The following CEP63 variants were observed in gnomAD, a reference collection of about 807,000 sequenced individuals.
CEP63 encodes the protein centrosomal protein 63.
CEP63 carries 84 observed loss-of-function variants against 89.1 expected under a neutral mutation model. The observed-to-expected ratio is 0.94, with a 90% CI of 0.79 to 1.13. CEP63 has a LOEUF of 1.13. Ranked by LOEUF, CEP63 falls within the 50% of genes most tolerant of loss-of-function variation. CEP63 has a pLI of 0.00. For missense variants in CEP63, 838 were observed against 813.3 expected (o/e 1.03, Z -0.37); for synonymous variants, 267 against 272.5 (o/e 0.98, Z 0.20).
At chr3:134,554,433 A>G (rs1363184068) in intron 12 of CEP63, among the ~76,000 whole-genome samples, 1 of 145,816 alleles carries the variant, frequency 6.9e-6, no homozygotes, top group Non-Finnish European at 1.5e-5. Flanking sequence ...TTATGGCTGC[A>G]TAGTATTCCA....
intron 9 of CEP63, among the ~76,000 whole-genome samples, chr3:134,548,146 A>T (rs1190230615): frequency 1.3e-5 from 2 of 152,122 alleles, no homozygotes; most frequent in African/African-American, 4.8e-5. Flanking sequence ...CATCTGGGGG[A>T]AAAACCATCC....
chr3:134,538,860 A>G (rs1370984390), intron 6 of CEP63, among the ~76,000 whole-genome samples: 1 of 152,044 alleles, frequency 6.6e-6, no homozygotes, highest in African/African-American at 2.4e-5. Context: ...CCTATTTCAT[A>G]TTACTGTTGT....
the CEP63 span, among the ~76,000 whole-genome samples, chr3:134,678,047 G>A: frequency 6.6e-6 from 1 of 151,918 alleles, no homozygotes; most frequent in African/African-American, 2.4e-5. Context: ...AACCCACAGG[G>A]GTTCAAGTGC....
At chr3:134,641,593 G>A in the CEP63 span, among the ~76,000 whole-genome samples, 5 of 152,072 alleles carry the variant, frequency 3.3e-5, no homozygotes, top group Admixed American at 6.6e-5. Flanking sequence ...ACTTTAGCCC[G>A]GTGAAACAGA....
chr3:134,582,541 G>C (rs1958385447), intron 10 of CEP63, among the ~76,000 whole-genome samples: 2 of 152,186 alleles, frequency 1.3e-5, no homozygotes, highest in African/African-American at 4.8e-5. Flanking sequence ...AGTATTCCAT[G>C]GTGTACATGT....
chr3:134,586,973 T>C lies in CEP63; in HGVS notation c.1207-485T>C, dbSNP rs190055136. The stretch of plus-strand genomic sequence containing the variant: ...CAATCACTGATATCCTTTCTTCCAC[T>C]TGATCGAATTGGCTATTGAAGGTTG... On this transcript the variant is annotated intron_variant, in intron 10 of 10. Transcript: ENST00000683931. 3.8e-3 allele frequency among the ~76,000 whole-genome samples: 573 copies of C among 152,344 alleles called. 7 individuals carry two copies. Among genetic ancestry groups the C allele is most frequent in the Non-Finnish European group, 3.3e-3 (222 of 68,028 alleles).
At chr3:134,576,944 A>C (rs1004697070), downstream of CEP63, among the ~76,000 whole-genome samples, 5 of 152,170 alleles carry the variant, frequency 3.3e-5, no homozygotes, top group African/African-American at 1.2e-4. Flanking sequence ...AAATGTTAGC[A>C]CCAATTAACT....
the CEP63 span, among the ~76,000 whole-genome samples, chr3:134,667,051 G>A: frequency 1.4e-4 from 21 of 152,174 alleles, no homozygotes; most frequent in Non-Finnish European, 2.6e-4. Flanking sequence ...CCTCCCCCGC[G>A]TCCTCCCCAT....
chr3:134,660,381 G>A, the CEP63 span, among the ~76,000 whole-genome samples: 1 of 152,238 alleles, frequency 6.6e-6, no homozygotes, highest in African/African-American at 2.4e-5. Context: ...GGATAGTTGA[G>A]TGGTATCAAC....
chr3:134,704,525 C>T, the CEP63 span, among the ~76,000 whole-genome samples: 2 of 152,144 alleles, frequency 1.3e-5, no homozygotes, highest in African/African-American at 2.4e-5. Flanking sequence ...TGATGGAAGC[C>T]ATTCTTAGAA....
At chr3:134,638,501 C>T in the CEP63 span, among the ~76,000 whole-genome samples, 1 of 152,180 alleles carries the variant, frequency 6.6e-6, no homozygotes, top group South Asian at 2.1e-4. Flanking sequence ...TGCATCCCTC[C>T]CCAGCTCCAC....
chr3:134,539,108 T>G (rs1951468340), intron 6 of CEP63, among the ~76,000 whole-genome samples: 3 of 152,204 alleles, frequency 2.0e-5, no homozygotes, highest in African/African-American at 7.2e-5. Context: ...CTAAATAAAA[T>G]TAAATCTTTC....
intron 10 of CEP63, among the ~76,000 whole-genome samples, chr3:134,549,466 A>T (rs974148112): frequency 6.6e-6 from 1 of 151,952 alleles, no homozygotes. Flanking sequence ...AAAGACATAC[A>T]CTCTGTTGCT....
rs1553799204 is a variant in CEP63, at chr3:134,584,956, G to GTTTTTTTTTTTGTTTT, written c.1207-2491_1207-2490insGTTTTTTTTTTTTTTT. 5.5e-4 allele frequency among the ~76,000 whole-genome samples: 20 copies of GTTTTTTTTTTTGTTTT among 36,054 alleles called. No homozygotes were observed. The East Asian group carries it at 0.02, about 36-fold the overall frequency. The allele number at this position is 36,054 out of a possible 152,430, so 23.7% of individuals were successfully genotyped here. A position where few individuals can be genotyped will look rare whatever the true frequency, so the allele number is the denominator to read the frequency against. On this transcript the variant is annotated intron_variant, in intron 10 of 10. Transcript: ENST00000683931. ...ATCCATTTCTTCTAGATTTTCTAGG[G>GTTTTTTTTTTTGTTTT]TTTTTTTTTTTTTTTTTTGCATGGA... is the stretch of plus-strand genomic sequence containing the variant.
chr3:134,703,630 G>C, the CEP63 span, among the ~76,000 whole-genome samples: 4 of 152,030 alleles, frequency 2.6e-5, no homozygotes, highest in African/African-American at 9.7e-5. Flanking sequence ...CCTGTTAAAA[G>C]ATCAGGGGTG....
the CEP63 span, among the ~76,000 whole-genome samples, chr3:134,771,123 T>A: frequency 7.2e-5 from 11 of 152,264 alleles, no homozygotes; most frequent in Admixed American, 7.2e-4. Flanking sequence ...GGAATAAGGT[T>A]CTCAGTGCAG....
intron 6 of CEP63, among the ~76,000 whole-genome samples, chr3:134,538,531 G>GTATATATATATATATATATATA (rs138354332): frequency 5.0e-5 from 5 of 99,664 alleles, no homozygotes; most frequent in Admixed American, 2.6e-4. Context: ...TTGTGTGTGT[G>GTATATATATATATATATATATA]TGTATATATA....
intron 12 of CEP63, among the ~76,000 whole-genome samples, chr3:134,553,829 C>CT (rs1364783030): frequency 1.3e-5 from 2 of 152,084 alleles, no homozygotes; most frequent in African/African-American, 4.8e-5. Context: ...TCAGAATGGT[C>CT]TTATCTTTTT....
At chr3:134,545,017 CAG>C in intron 6 of CEP63, among the ~76,000 whole-genome samples, 1 of 152,000 alleles carries the variant, frequency 6.6e-6, no homozygotes, top group African/African-American at 2.4e-5. Context: ...TGTTTTGAGA[CAG>C]AGTCTCATTC....
Sources: allele counts gnomAD v4.1 joint callset (sites outside exome capture counted in the v4.1 genomes callset), GRCh38; gene constraint gnomAD v4.1.1; transcripts MANE v1.5; gene names NCBI Gene and HGNC (gene_info 2026-07-23, HGNC 2026-07-21).